CTNNA3: variants seen among roughly 807,000 people sequenced by gnomAD.
CTNNA3 encodes catenin alpha-3.
CTNNA3 carries 76 observed loss-of-function variants against 95.7 expected under a neutral mutation model. That is an observed-to-expected ratio of 0.79 (90% confidence interval 0.66 to 0.96). The LOEUF (loss-of-function observed/expected upper bound fraction) is 0.96, where lower values mean the gene tolerates loss of function less well. CTNNA3 is among the 40% of genes least tolerant of loss of function. The pLI is 0.00. For missense variants in CTNNA3, 1,191 were observed against 1,089.8 expected, an observed-to-expected ratio of 1.09 and a Z score of -1.31; for synonymous variants, 431 against 374.4, an observed-to-expected ratio of 1.15 and a Z score of -1.74.
intron 13 of CTNNA3, among the ~76,000 whole-genome samples, chr10:66,147,608 G>GATTTT (rs1370187511): frequency 9.5e-6 from 1 of 105,766 alleles, no homozygotes; most frequent in African/African-American, 3.5e-5. Context: ...GTTGCTTTCA[G>GATTTT]TTTTTTTTTT....
intron 14 of CTNNA3, among the ~76,000 whole-genome samples, chr10:66,090,276 C>G (rs567436630): frequency 6.6e-6 from 1 of 151,996 alleles, no homozygotes; most frequent in Admixed American, 6.6e-5. Flanking sequence ...CCCCAGAAAC[C>G]CTTCTGAAAA....
chr10:67,208,216 C>T (rs1321901927), intron 6 of CTNNA3, among the ~76,000 whole-genome samples: 3 of 150,588 alleles, frequency 2.0e-5, no homozygotes, highest in African/African-American at 7.4e-5. Flanking sequence ...ACTAAAAACA[C>T]ACACACAAAA....
At chr10:66,684,614 C>T (rs915091230) in intron 9 of CTNNA3, among the ~76,000 whole-genome samples, 1 of 152,058 alleles carries the variant, frequency 6.6e-6, no homozygotes. Flanking sequence ...AAAAAACAAG[C>T]TGTCTCCTTA....
At chr10:67,239,081 G>A (rs1237762130) in intron 5 of CTNNA3, among the ~76,000 whole-genome samples, 1 of 152,152 alleles carries the variant, frequency 6.6e-6, no homozygotes, top group African/African-American at 2.4e-5. Context: ...ACAGAAAGCT[G>A]AAGAGCAAAA....
intron 7 of CTNNA3, among the ~76,000 whole-genome samples, chr10:66,875,820 C>T (rs952850191): frequency 2.0e-4 from 31 of 152,238 alleles, no homozygotes; most frequent in African/African-American, 7.5e-4. Flanking sequence ...GGCTCAGAGA[C>T]CACTATCATA....
intron 9 of CTNNA3, among the ~76,000 whole-genome samples, chr10:66,702,763 A>AGTAGCC (rs1329201084): frequency 1.4e-5 from 2 of 148,138 alleles, no homozygotes; most frequent in South Asian, 2.2e-4. Flanking sequence ...TAGTAGTAGT[A>AGTAGCC]GCCATCGTCG....
rs113790185 is a variant in CTNNA3, at chr10:67,409,063, A to C, written c.579+112779T>G. On this transcript the variant is annotated intron_variant, in intron 5 of 17. Transcript: ENST00000433211. ...CCATCTCATGCCAATCATAATGGCA[A>C]CTATTAAAAAGTCCAGAAACAACAG... Among the ~76,000 whole-genome samples the C allele has an allele frequency of 7.6e-4, 116 of 152,282 alleles. 1 individual carries two copies. Among genetic ancestry groups the C allele is most frequent in the African/African-American group, 2.7e-3 (112 of 41,560 alleles).
intron 13 of CTNNA3, among the ~76,000 whole-genome samples, chr10:66,202,842 C>T (rs944402541): frequency 6.6e-6 from 1 of 152,148 alleles, no homozygotes; most frequent in Non-Finnish European, 1.5e-5. Context: ...AGATTTTAAA[C>T]TCTTTTAAGG....
At chr10:66,601,497 C>T (rs1358563080) in intron 10 of CTNNA3, among the ~76,000 whole-genome samples, 1 of 151,866 alleles carries the variant, frequency 6.6e-6, no homozygotes, top group Non-Finnish European at 1.5e-5. Flanking sequence ...AAAACCAGTT[C>T]ATTCTTTCTA....
intron 8 of CTNNA3, 22 bp downstream of exon 8, chr10:66,775,422 C>G: frequency 1.3e-6 from 2 of 1,535,622 alleles, no homozygotes; most frequent in South Asian, 1.2e-5. Context: ...GTTTCTGACT[C>G]CATATCTCTC....
chr10:66,205,593 A>G (rs970160653), intron 13 of CTNNA3, among the ~76,000 whole-genome samples: 1 of 152,024 alleles, frequency 6.6e-6, no homozygotes, highest in African/African-American at 2.4e-5. Flanking sequence ...AGGAATAGAA[A>G]AAAACCCATA....
chr10:66,370,339 G>A (rs1221368607), intron 12 of CTNNA3, among the ~76,000 whole-genome samples: 2 of 152,012 alleles, frequency 1.3e-5, no homozygotes, highest in Admixed American at 6.6e-5. Context: ...ACAACTGAAG[G>A]GAATTGTTTC....
intron 15 of CTNNA3, among the ~76,000 whole-genome samples, chr10:66,065,660 T>C (rs2080299102): frequency 6.6e-6 from 1 of 152,124 alleles, no homozygotes; most frequent in African/African-American, 2.4e-5. Context: ...AACACTTGAA[T>C]GCTCTTTCTT....
Position 66,208,288 on chromosome 10 carries a change from A to G in CTNNA3, c.1884+72182T>C, listed in dbSNP as rs923420287. On this transcript the variant is annotated intron_variant, in intron 13 of 17. Coordinates refer to ENST00000433211, the MANE Select transcript of CTNNA3 (RefSeq NM_013266.4). ...GAAAGAGAAACGAAAAGAATTCTAA[A>G]CCTGCCAATGCCACTCCCTTTACAT... Among the ~76,000 whole-genome samples the G allele has an allele frequency of 5.3e-5, 8 of 152,118 alleles. No homozygotes were observed. In the East Asian group the frequency reaches 1.4e-3, roughly 26 times the overall value.
intron 5 of CTNNA3, among the ~76,000 whole-genome samples, chr10:67,222,989 A>G (rs1473364059): frequency 2.0e-5 from 3 of 152,360 alleles, no homozygotes; most frequent in South Asian, 2.1e-4. Context: ...AAAAATACAA[A>G]TGTATTTTGA....
chr10:66,012,412 A>G (rs2079021864), intron 15 of CTNNA3, among the ~76,000 whole-genome samples: 1 of 152,166 alleles, frequency 6.6e-6, no homozygotes, highest in Non-Finnish European at 1.5e-5. Flanking sequence ...AAAAAAGACA[A>G]CTGTTACATT....
chr10:67,031,315 G>C (rs80346254), intron 7 of CTNNA3, among the ~76,000 whole-genome samples: 1 of 152,066 alleles, frequency 6.6e-6, no homozygotes, highest in African/African-American at 2.4e-5. Flanking sequence ...ACAGAGAAGG[G>C]AAAAAATGCA....
intron 9 of CTNNA3, among the ~76,000 whole-genome samples, chr10:66,653,751 G>A (rs182865701): frequency 9.9e-5 from 15 of 151,972 alleles, no homozygotes; most frequent in African/African-American, 2.2e-4. Context: ...GCATAAAAAC[G>A]TACACAAAGA....
At chr10:66,273,187 G>A (rs376374077) in intron 13 of CTNNA3, among the ~76,000 whole-genome samples, 2 of 152,088 alleles carry the variant, frequency 1.3e-5, no homozygotes, top group African/African-American at 4.8e-5. Flanking sequence ...AGGATTGCCT[G>A]CATCACTACG....
Sources: gnomAD v4.1 joint callset for allele counts (sites outside exome capture counted in the v4.1 genomes callset) on GRCh38, gnomAD v4.1.1 for gene constraint, MANE v1.5 for transcripts, NCBI Gene and HGNC (gene_info 2026-07-23, HGNC 2026-07-21) for gene names.